The following GANC variants were observed in gnomAD, a reference collection of about 807,000 sequenced individuals.
GANC encodes the protein glucosidase alpha, neutral C.
Under a neutral mutation model 124.2 loss-of-function variants are expected in GANC, and 117 were observed. That is an observed-to-expected ratio of 0.94 (90% confidence interval 0.81 to 1.10). The LOEUF (loss-of-function observed/expected upper bound fraction) is 1.10, where lower values mean the gene tolerates loss of function less well. GANC is among the 50% of genes least tolerant of loss of function. GANC has a pLI of 0.00. For synonymous variants in GANC, 377 were observed against 376.8 expected, an observed-to-expected ratio of 1.00 and a Z score of -0.01; for missense variants, 1,140 against 1,095.0, an observed-to-expected ratio of 1.04 and a Z score of -0.58.
chr15:42,277,546 T>G (rs2051684026), intron 2 of GANC, among the ~76,000 whole-genome samples: 1 of 151,890 alleles, frequency 6.6e-6, no homozygotes, highest in Non-Finnish European at 1.5e-5. Flanking sequence ...AAAAAAAGAT[T>G]GCCTGTTTCT....
At chr15:42,346,593 G>A (rs892498471) in intron 20 of GANC, among the ~76,000 whole-genome samples, 7 of 152,158 alleles carry the variant, frequency 4.6e-5, no homozygotes, top group African/African-American at 1.4e-4. Flanking sequence ...TGAGACATCA[G>A]AGACAAACAC....
At position 42,349,414 on chromosome 15, in the gene GANC, A is replaced by T. The variant is rs769322144; in HGVS notation, c.2450A>T (p.Asp817Val). The T allele has an allele frequency of 3.1e-6, 5 of 1,613,156 alleles. No homozygotes were observed. In the South Asian group the frequency reaches 4.4e-5, roughly 14 times the overall value. Residue 817 changes from aspartate to valine, a missense_variant, in exon 22 of 24, where the codon GAT becomes GTT. Coordinates refer to ENST00000318010, the MANE Select transcript of GANC (RefSeq NM_198141.3). Reference protein sequence around the residue: ...GSSVGELYLDDGHSFQYLHQK... With the variant: ...GSSVGELYLDVGHSFQYLHQK... ...TCAGTGGGTGAGTTATATCTTGATG[A>T]TGGCCATTCATTCCAATACCTCCAC...
intron 19 of GANC, chr15:42,344,744 G>C (rs2052351342): frequency 1.3e-5 from 2 of 152,186 alleles, no homozygotes; most frequent in Non-Finnish European, 2.9e-5. Context: ...CTGAGGAAAA[G>C]GTTAAATGCA....
chr15:42,278,667 T>A, intron 3 of GANC, 77 bp downstream of exon 3: 1 of 1,020,358 alleles, frequency 9.8e-7, no homozygotes, highest in East Asian at 2.5e-5. Context: ...ATTAAAGCTA[T>A]GTATGCTTCA....
intron 3 of GANC, 65 bp from the exon 4 acceptor site, chr15:42,287,626 A>C: frequency 6.5e-7 from 1 of 1,538,310 alleles, no homozygotes. Flanking sequence ...AATTATTGTA[A>C]TTGGTGCAAA....
In GANC at chr15:42,308,316, TG is replaced by T; in HGVS notation, c.722+1del. ...HAESHQLKNTGDGDAYRLYNL... is the reference protein window; with the variant it reads ...HAESHQLKNTXDGDAYRLYNL... ...CAGAATCACACCAACTTAAAAATAC[TG>T]GGTAAGTGAAAACAAGAATTCTTAT... On this transcript the variant is annotated frameshift_variant and splice_region_variant, in exon 8 of 24. Coordinates refer to ENST00000318010, the MANE Select transcript of GANC (RefSeq NM_198141.3). LOFTEE classifies it high-confidence loss of function. 6.3e-7 allele frequency: 1 copy of T among 1,588,898 alleles called. No individual in the cohort carries two copies. Among genetic ancestry groups the T allele is most frequent in the Non-Finnish European group, 8.6e-7 (1 of 1,158,966 alleles).
At chr15:42,324,709 C>T (rs2052184872) in intron 11 of GANC, among the ~76,000 whole-genome samples, 1 of 152,100 alleles carries the variant, frequency 6.6e-6, no homozygotes, top group Non-Finnish European at 1.5e-5. Context: ...AAGACAAATA[C>T]CGTGTGATTC....
intron 22 of GANC, among the ~76,000 whole-genome samples, chr15:42,350,081 A>G (rs2052412708): frequency 8.6e-6 from 1 of 115,858 alleles, no homozygotes; most frequent in African/African-American, 3.4e-5. Context: ...CCCAGGCTGG[A>G]GTGCAGTGGC....
At chr15:42,329,165 T>A in intron 13 of GANC, 141 bp from the exon 14 acceptor site, 1 of 802,842 alleles carries the variant, frequency 1.2e-6, no homozygotes, top group South Asian at 1.9e-5. Flanking sequence ...TGTTGTTCCC[T>A]GTGGAACTTA....
chr15:42,274,016 A>T lies in GANC; in HGVS notation c.-466A>T, dbSNP rs577333059. On this transcript the variant is annotated 5_prime_UTR_variant, in exon 1 of 24. Coordinates refer to ENST00000318010, the MANE Select transcript of GANC (RefSeq NM_198141.3). ...AGCAAAGACCCGGCCGGCACTTCCCACCCTTAACCGAAAACGGAGACAGAG... is the reference window on the plus strand; with the variant it reads ...AGCAAAGACCCGGCCGGCACTTCCCTCCCTTAACCGAAAACGGAGACAGAG... 1.3e-4 allele frequency: 30 copies of T among 232,848 alleles called. No homozygotes were observed. Among genetic ancestry groups the T allele is most frequent in the Non-Finnish European group, 2.4e-4 (28 of 118,164 alleles). The allele number at this position is 232,848 out of a possible 1,614,324, so 14.4% of individuals were successfully genotyped here. A position where few individuals can be genotyped will look rare whatever the true frequency, so the allele number is the denominator to read the frequency against.
Position 42,353,156 on chromosome 15 carries a change from G to A in GANC, c.*1017G>A. 1.0e-6 allele frequency: 1 copy of A among 985,798 alleles called. No homozygotes were observed. Among genetic ancestry groups the A allele is most frequent in the Non-Finnish European group, 1.2e-6 (1 of 829,972 alleles). 61.1% of individuals were successfully genotyped at this position (985,798 alleles called of 1,614,324 possible). A position where few individuals can be genotyped will look rare whatever the true frequency, so the allele number is the denominator to read the frequency against. On this transcript the variant is annotated 3_prime_UTR_variant, in exon 24 of 24. Coordinates refer to ENST00000318010, the MANE Select transcript of GANC (RefSeq NM_198141.3). ...CATTACAACATACCAGTCGTGTCAT[G>A]GTGCCCAAGGCTCCACAGACCTCAG...
At position 42,297,667 on chromosome 15, in the gene GANC, T is replaced by C; in HGVS notation, c.558+11T>C. On this transcript the variant is annotated intron_variant, in intron 6 of 23. Coordinates refer to ENST00000318010, the MANE Select transcript of GANC (RefSeq NM_198141.3). ...GTGGACACCTCTCAGGTAATCTAGA[T>C]TGATCCATTTATTGTTATCTTTTTC... The C allele has an allele frequency of 6.3e-7, 1 of 1,584,556 alleles. No homozygotes were observed. Among genetic ancestry groups the C allele is most frequent in the Non-Finnish European group, 8.7e-7 (1 of 1,155,958 alleles).
intron 6 of GANC, among the ~76,000 whole-genome samples, chr15:42,305,154 A>G (rs753809520): frequency 1.8e-4 from 28 of 152,366 alleles, no homozygotes; most frequent in Admixed American, 5.2e-4. Flanking sequence ...GAAAGAAACT[A>G]TCATCAGAGT....
At position 42,306,665 on chromosome 15, in the gene GANC, A is replaced by G. The variant is rs2051999667; in HGVS notation, c.625+53A>G. ...AACAGATCATTCTAAAAATGTCTAC[A>G]TAATTCTATCAAAAAGCCCCTTGAT... On this transcript the variant is annotated intron_variant, in intron 7 of 23. Transcript: ENST00000318010. 9.4e-6 allele frequency: 12 copies of G among 1,273,402 alleles called. No individual in the cohort carries two copies. The South Asian group carries it at 1.3e-4, about 13-fold the overall frequency. 78.9% of individuals were successfully genotyped at this position (1,273,402 alleles called of 1,614,324 possible).
intron 8 of GANC, among the ~76,000 whole-genome samples, chr15:42,309,362 C>T (rs1298454003): frequency 1.3e-5 from 2 of 151,956 alleles, no homozygotes; most frequent in African/African-American, 4.8e-5. Flanking sequence ...CACTGTCGCC[C>T]AGGCTGGAGT....
rs750851583 is a variant in GANC at position 42,273,235 on chromosome 15, T to C, written c.-1247T>C. Reference sequence around the variant, plus strand: ...CCCCTTGCTCCTCTAGGTTCAGACGTTAGTGAAGTGAATACTCACCGACGG... The same window carrying C: ...CCCCTTGCTCCTCTAGGTTCAGACGCTAGTGAAGTGAATACTCACCGACGG... On this transcript the variant is annotated 5_prime_UTR_variant, in exon 1 of 24. Transcript: ENST00000318010. The C allele has an allele frequency of 1.9e-6, 3 of 1,613,796 alleles. No individual in the cohort carries two copies. Among genetic ancestry groups the C allele is most frequent in the Middle Eastern group, 1.7e-4 (1 of 6,060 alleles).
At chr15:42,317,840 TAGTG>T (rs149586964) in intron 10 of GANC, among the ~76,000 whole-genome samples, 4,525 of 152,266 alleles carry the variant, frequency 0.03, 105 homozygotes, top group Non-Finnish European at 0.046. Flanking sequence ...ACATTGTTAT[TAGTG>T]AGAATGCTGG....
chr15:42,330,957 T>G (rs2052240146), intron 15 of GANC, among the ~76,000 whole-genome samples: 1 of 151,942 alleles, frequency 6.6e-6, no homozygotes, highest in Admixed American at 6.6e-5. Flanking sequence ...CCAGCTAATT[T>G]ATATATGTAT....
chr15:42,291,983 ACTGT>A (rs2051845347), intron 4 of GANC, among the ~76,000 whole-genome samples: 1 of 152,080 alleles, frequency 6.6e-6, no homozygotes, highest in South Asian at 2.1e-4. Context: ...AAGAACATAA[ACTGT>A]CTCTTTTTAC....
Sources: gnomAD v4.1 joint callset for allele counts (sites outside exome capture counted in the v4.1 genomes callset) on GRCh38, gnomAD v4.1.1 for gene constraint, MANE v1.5 for transcripts, NCBI Gene and HGNC (gene_info 2026-07-23, HGNC 2026-07-21) for gene names.